Variants in EVC2 observed in about 807,000 individuals in gnomAD.
The protein encoded by EVC2 is limbin.
A neutral mutation model predicts 149.3 loss-of-function variants in EVC2; 148 were observed. The ratio of observed to expected loss-of-function variants is 0.99; its 90% CI spans 0.87 to 1.14. EVC2 has a LOEUF of 1.14. EVC2 is among the 50% of genes most tolerant of loss of function. The pLI is 0.00. For missense variants in EVC2, 1,854 were observed against 1,627.3 expected (o/e 1.14, Z -2.40); for synonymous variants, 776 against 649.9 (o/e 1.19, Z -2.95).
intron 6 of EVC2, among the ~76,000 whole-genome samples, chr4:5,684,962 T>C: frequency 6.6e-6 from 1 of 152,188 alleles, no homozygotes; most frequent in East Asian, 1.9e-4. Context: ...CCCTGATCTC[T>C]GGCTTCCAGC....
the EVC2 span, among the ~76,000 whole-genome samples, chr4:5,529,855 C>A: frequency 2.2e-5 from 3 of 138,006 alleles, no homozygotes; most frequent in East Asian, 6.5e-4. The surrounding 1 kb of genome is among the most constrained non-coding windows in gnomAD (Gnocchi z 4.5). Context: ...TCACTATTGT[C>A]ACCCAGGCTG....
At chr4:5,606,970 C>T (rs1714441973) in intron 16 of EVC2, among the ~76,000 whole-genome samples, 1 of 151,996 alleles carries the variant, frequency 6.6e-6, no homozygotes, top group Admixed American at 6.6e-5. Context: ...AGTCTGGCTC[C>T]CAGGATAGCA....
rs1722056817 is a variant in EVC2, at chr4:5,563,068, G to A, written c.3707C>T (p.Ser1236Phe). The A allele has an allele frequency of 6.2e-7, 1 of 1,614,004 alleles. No individual in the cohort carries two copies. Among genetic ancestry groups the A allele is most frequent in the African/African-American group, 1.3e-5 (1 of 74,902 alleles). ...CLPLRERMIF[S>F]GKGSWPHLSL... Reference sequence around the variant, plus strand: ...CAGGTGTGGCCAACTTCCTTTTCCAGAGAATATCATCCTCTCTCTGAGAGG... The same window carrying A: ...CAGGTGTGGCCAACTTCCTTTTCCAAAGAATATCATCCTCTCTCTGAGAGG... Residue 1236 changes from serine to phenylalanine, a missense_variant, in exon 22 of 22, where the codon TCT (serine) becomes TTT (phenylalanine). By Grantham distance (155) the Ser-to-Phe change is radical (BLOSUM62 -2). Coordinates refer to ENST00000344408, the MANE Select transcript of EVC2 (RefSeq NM_147127.5).
intron 1 of EVC2, among the ~76,000 whole-genome samples, chr4:5,706,474 A>ATACATACATACG (rs1367658816): frequency 6.7e-6 from 1 of 150,158 alleles, no homozygotes; most frequent in Non-Finnish European, 1.5e-5. Context: ...ACATACATAC[A>ATACATACATACG]TAGATAATAT....
chr4:5,611,854 C>T (rs1034391556), intron 16 of EVC2, among the ~76,000 whole-genome samples: 1 of 152,306 alleles, frequency 6.6e-6, no homozygotes. Context: ...ATGTGACAGG[C>T]AGCTGTAACC....
chr4:5,606,832 A>C (rs1714428605), intron 16 of EVC2, among the ~76,000 whole-genome samples: 1 of 152,154 alleles, frequency 6.6e-6, no homozygotes, highest in Non-Finnish European at 1.5e-5. Context: ...TCAACAGATA[A>C]ATCCTAGGAG....
intron 9 of EVC2, among the ~76,000 whole-genome samples, chr4:5,651,809 C>A (rs1209257098): frequency 6.6e-6 from 1 of 152,210 alleles, no homozygotes; most frequent in Non-Finnish European, 1.5e-5. Flanking sequence ...GCTAACTCCC[C>A]TTATAGCTGA....
intron 21 of EVC2, among the ~76,000 whole-genome samples, chr4:5,553,373 C>A (rs1721776183): frequency 6.6e-6 from 1 of 152,182 alleles, no homozygotes; most frequent in Non-Finnish European, 1.5e-5. Flanking sequence ...CACTTCCCAC[C>A]AGGCCCCACC....
chr4:5,607,284 G>A (rs575313194), intron 16 of EVC2, among the ~76,000 whole-genome samples: 6 of 152,222 alleles, frequency 3.9e-5, no homozygotes, highest in African/African-American at 1.4e-4. Flanking sequence ...TTTCACTAGA[G>A]CTCCTAAAAG....
At chr4:5,630,671 C>T (rs1716466921) in intron 11 of EVC2, among the ~76,000 whole-genome samples, 1 of 152,144 alleles carries the variant, frequency 6.6e-6, no homozygotes, top group Non-Finnish European at 1.5e-5. Flanking sequence ...CACATTACTG[C>T]ACTGAGGAAC....
the EVC2 span, among the ~76,000 whole-genome samples, chr4:5,531,853 C>T: frequency 2.6e-5 from 4 of 152,022 alleles, no homozygotes; most frequent in South Asian, 2.1e-4. Context: ...CCTGAAACCA[C>T]GCTCCTGCCA....
rs969442003 is a variant in EVC2, at chr4:5,686,368, T to C, written c.707-889A>G. ...CCATGCTCATCTCATTTTATTTTTA[T>C]ATAACCTAGAGCTAAGATAATGAAC... On this transcript the variant is annotated intron_variant, in intron 5 of 21. Transcript: ENST00000344408. This position sits in a 1 kb window ranked among gnomAD's most constrained non-coding sequence, Gnocchi z 5.4. Among the ~76,000 whole-genome samples the C allele has an allele frequency of 1.3e-5, 2 of 152,090 alleles. No homozygotes were observed. Among genetic ancestry groups the C allele is most frequent in the Non-Finnish European group, 2.9e-5 (2 of 68,018 alleles).
In EVC2 at chr4:5,657,250, C is replaced by T. The variant is rs964781962; in HGVS notation, c.1145+5857G>A. Among the ~76,000 whole-genome samples the T allele has an allele frequency of 1.3e-5, 2 of 152,162 alleles. No homozygotes were observed. The highest frequency in any genetic ancestry group is 4.8e-5 in the African/African-American group (2 of 41,438). On this transcript the variant is annotated intron_variant, in intron 9 of 21. Transcript: ENST00000344408. This position sits in a 1 kb window ranked among gnomAD's most constrained non-coding sequence, Gnocchi z 4.7. ...CTTTTTACATTCCCACCTTTTCCTCCTCTGCTGTCCTCACCTTGAACTTCA... is the reference window on the plus strand; with the variant it reads ...CTTTTTACATTCCCACCTTTTCCTCTTCTGCTGTCCTCACCTTGAACTTCA...
At chr4:5,573,259 G>A (rs1476388116) in intron 19 of EVC2, among the ~76,000 whole-genome samples, 1 of 152,150 alleles carries the variant, frequency 6.6e-6, no homozygotes, top group Non-Finnish European at 1.5e-5. Context: ...TAAGGTCAGG[G>A]GCCTTGAGAT....
rs1721557809 is a variant in EVC2, at chr4:5,697,514, G to C, written c.283+79C>G. ...CTGGAAGGATCAGCAGAGAGTGAGG[G>C]AGCTGGAGGAAGGAGGGCTTCAGGC... is the stretch of plus-strand genomic sequence containing the variant. On this transcript the variant is annotated intron_variant, in intron 2 of 21. Coordinates refer to ENST00000344408, the MANE Select transcript of EVC2 (RefSeq NM_147127.5). The C allele has an allele frequency of 4.3e-6, 6 of 1,379,506 alleles. No homozygotes were observed. The Middle Eastern group carries it at 7.1e-4, about 163-fold the overall frequency. 85.5% of individuals were successfully genotyped at this position (1,379,506 alleles called of 1,614,324 possible).
intron 1 of EVC2, among the ~76,000 whole-genome samples, chr4:5,701,105 T>C (rs954693268): frequency 6.6e-6 from 1 of 152,198 alleles, no homozygotes; most frequent in Non-Finnish European, 1.5e-5. Context: ...CAGAGACTGC[T>C]GCGTTCCTTA....
chr4:5,702,368 G>A (rs1264850576), intron 1 of EVC2, among the ~76,000 whole-genome samples: 1 of 152,144 alleles, frequency 6.6e-6, no homozygotes, highest in East Asian at 1.9e-4. Context: ...TCAAGAGCAG[G>A]GGCAGGTCTT....
chr4:5,540,266 T>C (rs936722700), downstream of EVC2, among the ~76,000 whole-genome samples: 1 of 152,246 alleles, frequency 6.6e-6, no homozygotes, highest in Non-Finnish European at 1.5e-5. Context: ...TGTGGAAAGC[T>C]GTTTGACAGA....
intron 9 of EVC2, among the ~76,000 whole-genome samples, chr4:5,654,705 T>C (rs946245273): frequency 1.3e-5 from 2 of 152,042 alleles, no homozygotes; most frequent in African/African-American, 4.8e-5. Context: ...GGTTAATCCA[T>C]GCATGGTTAA....
Sources: gnomAD v4.1 joint callset for allele counts (sites outside exome capture counted in the v4.1 genomes callset) on GRCh38, gnomAD v4.1.1 for gene constraint, Gnocchi (gnomAD v3.1) non-coding constraint, MANE v1.5 for transcripts, NCBI Gene and HGNC (gene_info 2026-07-23, HGNC 2026-07-21) for gene names.